The following AGBL1 variants were observed in gnomAD, a reference collection of about 807,000 sequenced individuals.
The protein encoded by AGBL1 is AGBL carboxypeptidase 1, also known as cytosolic carboxypeptidase 4.
In AGBL1, 130 loss-of-function variants were observed where a neutral mutation model predicts 118.9. The ratio of observed to expected loss-of-function variants is 1.09; its 90% CI spans 0.95 to 1.26. AGBL1 has a LOEUF of 1.26. AGBL1 is among the 50% of genes most tolerant of loss of function. AGBL1 has a pLI of 0.00. For missense variants in AGBL1, 1,584 were observed against 1,298.1 expected (o/e 1.22, Z -3.38); for synonymous variants, 555 against 478.9 (o/e 1.16, Z -2.08).
At chr15:86,761,978 A>G (rs961568037) in intron 22 of AGBL1, among the ~76,000 whole-genome samples, 6 of 152,008 alleles carry the variant, frequency 3.9e-5, no homozygotes, top group African/African-American at 1.4e-4. Flanking sequence ...TTTTACGTTT[A>G]AGTCTTTAAT....
At chr15:86,691,046 G>T (rs1335193357) in intron 22 of AGBL1, among the ~76,000 whole-genome samples, 1 of 151,984 alleles carries the variant, frequency 6.6e-6, no homozygotes, top group East Asian at 1.9e-4. Context: ...TAAGTAGTAG[G>T]TTGCATTTTT....
chr15:86,414,862 G>C (rs2081668438), intron 18 of AGBL1, among the ~76,000 whole-genome samples: 1 of 152,110 alleles, frequency 6.6e-6, no homozygotes, highest in Non-Finnish European at 1.5e-5. Context: ...ACTTAGAATG[G>C]AGCTGTATTG....
intron 22 of AGBL1, among the ~76,000 whole-genome samples, chr15:86,744,643 G>T (rs550131268): frequency 1.3e-5 from 2 of 152,218 alleles, no homozygotes; most frequent in East Asian, 3.9e-4. Flanking sequence ...CAGAGGGGGG[G>T]AGGAGTTAAA....
At chr15:87,028,560 A>G (rs1003891724) in intron 24 of AGBL1, among the ~76,000 whole-genome samples, 1 of 151,886 alleles carries the variant, frequency 6.6e-6, no homozygotes, top group Non-Finnish European at 1.5e-5. Context: ...ATGTATTGAG[A>G]ATTTTCTAGG....
In AGBL1 at chr15:86,187,569, G is replaced by A. The variant is rs551699447; in HGVS notation, c.488+28543G>A. On this transcript the variant is annotated intron_variant, in intron 5 of 22. Transcript: ENST00000614907. ...CCTCAATTTTTACACCTTAAAAACA[G>A]GTATAATAGTGCTTGTCCTATGGAG... is the stretch of plus-strand genomic sequence containing the variant. 2.0e-5 allele frequency among the ~76,000 whole-genome samples: 3 copies of A among 152,278 alleles called. No individual in the cohort carries two copies. The East Asian group carries it at 5.8e-4, about 29-fold the overall frequency.
chr15:86,287,085 G>T (rs1039981836), intron 16 of AGBL1, among the ~76,000 whole-genome samples: 3 of 151,932 alleles, frequency 2.0e-5, no homozygotes, highest in African/African-American at 7.3e-5. Context: ...GTTTTATTTT[G>T]CATGTCTCTG....
At chr15:86,322,969 G>A (rs1029271641) in intron 17 of AGBL1, among the ~76,000 whole-genome samples, 1 of 152,116 alleles carries the variant, frequency 6.6e-6, no homozygotes, top group African/African-American at 2.4e-5. Flanking sequence ...ATTTTCCACT[G>A]TGGACAAGCT....
intron 6 of AGBL1, among the ~76,000 whole-genome samples, chr15:86,228,998 C>G (rs1034647064): frequency 2.6e-5 from 4 of 152,328 alleles, no homozygotes; most frequent in Admixed American, 2.0e-4. Flanking sequence ...CTTCTCCACT[C>G]TCACATGCAC....
rs145722823 is a variant in AGBL1, at chr15:86,384,467, G to C, written c.2375-12899G>C. Among the ~76,000 whole-genome samples the C allele has an allele frequency of 1.5e-3, 222 of 152,242 alleles. 1 individual carries two copies. Among genetic ancestry groups the C allele is most frequent in the African/African-American group, 5.2e-3 (215 of 41,532 alleles). On this transcript the variant is annotated intron_variant, in intron 17 of 22. Transcript: ENST00000614907. ...CTTCTCCCAAGTGACTGCCGTTTCT[G>C]TGTGTAGTAAATTTCTCAAACCCAA...
chr15:86,760,988 A>C (rs567375787), intron 22 of AGBL1, among the ~76,000 whole-genome samples: 1 of 152,200 alleles, frequency 6.6e-6, no homozygotes, highest in Non-Finnish European at 1.5e-5. Flanking sequence ...GTGTAGACAG[A>C]CAGATCTGTT....
chr15:86,272,252 A>G (rs1733307692), intron 15 of AGBL1, among the ~76,000 whole-genome samples: 1 of 152,226 alleles, frequency 6.6e-6, no homozygotes, highest in Non-Finnish European at 1.5e-5. Flanking sequence ...TCATCAGTTT[A>G]TCCTGCAAAG....
At chr15:86,737,118 A>G (rs1057252144) in intron 22 of AGBL1, among the ~76,000 whole-genome samples, 3 of 152,222 alleles carry the variant, frequency 2.0e-5, no homozygotes, top group Admixed American at 6.5e-5. Context: ...TAGAGAAGAC[A>G]AAAACATACA....
chr15:86,642,176 A>G (rs771408776), intron 21 of AGBL1, among the ~76,000 whole-genome samples: 8 of 152,208 alleles, frequency 5.3e-5, no homozygotes, highest in Non-Finnish European at 1.2e-4. Flanking sequence ...CTGTAAAGTC[A>G]TATGGAAACA....
intron 24 of AGBL1, among the ~76,000 whole-genome samples, chr15:87,023,815 A>G (rs1045130784): frequency 5.3e-5 from 8 of 152,078 alleles, no homozygotes; most frequent in African/African-American, 1.9e-4. Context: ...AAAACTGGAA[A>G]TCAACTCCAA....
At chr15:86,596,023 G>A (rs566795293) in intron 21 of AGBL1, among the ~76,000 whole-genome samples, 1 of 152,100 alleles carries the variant, frequency 6.6e-6, no homozygotes, top group Non-Finnish European at 1.5e-5. Context: ...AGGGGGTTGG[G>A]TGTGGTGGCT....
At chr15:86,339,581 C>G (rs946554921) in intron 17 of AGBL1, among the ~76,000 whole-genome samples, 2 of 152,102 alleles carry the variant, frequency 1.3e-5, no homozygotes, top group African/African-American at 4.8e-5. Context: ...ATTGCTCTAT[C>G]ATCAAGGTAA....
chr15:86,747,851 G>A (rs935705703), intron 22 of AGBL1, among the ~76,000 whole-genome samples: 1 of 152,116 alleles, frequency 6.6e-6, no homozygotes, highest in African/African-American at 2.4e-5. Context: ...GTGTATATGT[G>A]CCACATTTTC....
intron 22 of AGBL1, among the ~76,000 whole-genome samples, chr15:86,680,437 T>A (rs2085931468): frequency 6.6e-6 from 1 of 152,110 alleles, no homozygotes; most frequent in Admixed American, 6.6e-5. Context: ...GGGTAACACA[T>A]TAAAACAATG....
intron 5 of AGBL1, among the ~76,000 whole-genome samples, chr15:86,170,990 A>G (rs1221589247): frequency 1.3e-5 from 2 of 152,248 alleles, no homozygotes; most frequent in Non-Finnish European, 2.9e-5. Context: ...GAAACAATGC[A>G]AGTGAAAAAA....
Sources: allele counts gnomAD v4.1 joint callset (sites outside exome capture counted in the v4.1 genomes callset), GRCh38; gene constraint gnomAD v4.1.1; transcripts MANE v1.5; gene names NCBI Gene and HGNC (gene_info 2026-07-23, HGNC 2026-07-21).